OSBPL8: variants seen among roughly 807,000 people sequenced by gnomAD.
The protein encoded by OSBPL8 is oxysterol binding protein like 8, also known as oxysterol-binding protein-related protein 8.
OSBPL8 carries 59 observed loss-of-function variants against 125.5 expected under a neutral mutation model. The observed-to-expected ratio is 0.47, with a 90% CI of 0.38 to 0.58. The LOEUF is 0.58. Ranked by LOEUF, OSBPL8 falls within the 20% of genes least tolerant of loss-of-function variation. OSBPL8 has a pLI of 0.00. For synonymous variants in OSBPL8, 330 were observed against 338.9 expected, an observed-to-expected ratio of 0.97 and a Z score of 0.29; for missense variants, 758 against 1,047.8, an observed-to-expected ratio of 0.72 and a Z score of 3.82.
Position 76,413,676 on chromosome 12 carries a change from T to G in OSBPL8, c.218-3042A>C, listed in dbSNP as rs1267166199. Among the ~76,000 whole-genome samples, 3 of 152,180 alleles carry G rather than the reference T, an allele frequency of 2.0e-5. No homozygotes were observed. In the East Asian group the frequency reaches 5.8e-4, roughly 29 times the overall value. On this transcript the variant is annotated intron_variant, in intron 4 of 23. Transcript: ENST00000261183. ...GATGCACAGTAGTTTGTCAGTGAAG[T>G]TTTAGTTTGCGTGTCCCTGATTACT... is the stretch of plus-strand genomic sequence containing the variant.
At chr12:76,532,634 T>C (rs953828133) in intron 1 of OSBPL8, among the ~76,000 whole-genome samples, 1 of 152,096 alleles carries the variant, frequency 6.6e-6, no homozygotes, top group Non-Finnish European at 1.5e-5. Context: ...ACATCCACCT[T>C]GATCTTCTTT....
intron 6 of OSBPL8, among the ~76,000 whole-genome samples, chr12:76,402,154 G>C (rs1409395926): frequency 1.3e-5 from 2 of 152,126 alleles, no homozygotes; most frequent in African/African-American, 4.8e-5. Context: ...AAATAGACTA[G>C]TTAGGAACCA....
At chr12:76,408,083 G>A (rs1954345936) in intron 5 of OSBPL8, among the ~76,000 whole-genome samples, 1 of 144,884 alleles carries the variant, frequency 6.9e-6, no homozygotes, top group Admixed American at 6.9e-5. Context: ...GAGGTGAGAG[G>A]ACTGATTGAG....
intron 12 of OSBPL8, among the ~76,000 whole-genome samples, chr12:76,389,216 A>T (rs1441734679): frequency 6.6e-6 from 1 of 152,322 alleles, no homozygotes; most frequent in East Asian, 1.9e-4. Flanking sequence ...AGGGCATTCT[A>T]GTTCTGGTAA....
At chr12:76,362,634 C>T (rs1009515962) in intron 21 of OSBPL8, among the ~76,000 whole-genome samples, 2 of 152,158 alleles carry the variant, frequency 1.3e-5, no homozygotes, top group Non-Finnish European at 2.9e-5. Context: ...GACAAGGATG[C>T]CCTCTCTCAC....
intron 1 of OSBPL8, among the ~76,000 whole-genome samples, chr12:76,545,671 G>A (rs1950763784): frequency 6.6e-6 from 1 of 152,120 alleles, no homozygotes; most frequent in African/African-American, 2.4e-5. Flanking sequence ...TCTGGGTTTT[G>A]AATTCTAAGT....
chr12:76,432,868 T>C (rs975656773), intron 4 of OSBPL8, among the ~76,000 whole-genome samples: 1 of 152,212 alleles, frequency 6.6e-6, no homozygotes, highest in Admixed American at 6.5e-5. Flanking sequence ...TAATAAAATA[T>C]TGGCAAACAG....
intron 7 of OSBPL8, among the ~76,000 whole-genome samples, chr12:76,399,209 A>T (rs1953948256): frequency 6.6e-6 from 1 of 152,182 alleles, no homozygotes; most frequent in East Asian, 1.9e-4. Context: ...AGGCCTTAGT[A>T]AGTCTTGGCA....
At chr12:76,471,116 G>C (rs1460760938) in intron 2 of OSBPL8, among the ~76,000 whole-genome samples, 1 of 152,138 alleles carries the variant, frequency 6.6e-6, no homozygotes, top group African/African-American at 2.4e-5. Flanking sequence ...GCTGCCCACT[G>C]TCTGGCTAAC....
intron 2 of OSBPL8, among the ~76,000 whole-genome samples, chr12:76,472,212 C>T (rs927740159): frequency 1.3e-5 from 2 of 152,160 alleles, no homozygotes; most frequent in African/African-American, 4.8e-5. Flanking sequence ...GATGAGGATA[C>T]CACCATCTTA....
chr12:76,522,429 G>GTCA (rs1882150301), intron 1 of OSBPL8, among the ~76,000 whole-genome samples: 2 of 152,188 alleles, frequency 1.3e-5, no homozygotes, highest in South Asian at 4.2e-4. Flanking sequence ...CTGGTGGGAG[G>GTCA]TGTTAGGATC....
At chr12:76,408,461 C>CAAAAA (rs71082306) in intron 5 of OSBPL8, among the ~76,000 whole-genome samples, 1 of 73,300 alleles carries the variant, frequency 1.4e-5, no homozygotes, top group African/African-American at 5.4e-5. Context: ...GACTCCTTCT[C>CAAAAA]AAAAAAAAAA....
chr12:76,375,741 T>TTA (rs1491289791), intron 16 of OSBPL8, among the ~76,000 whole-genome samples: 3 of 146,774 alleles, frequency 2.0e-5, no homozygotes, highest in African/African-American at 2.5e-5. Flanking sequence ...CACATTGTTT[T>TTA]AAAAAAAAAA....
chr12:76,514,756 G>A (rs532183497), intron 1 of OSBPL8, among the ~76,000 whole-genome samples: 4 of 152,136 alleles, frequency 2.6e-5, no homozygotes, highest in South Asian at 4.1e-4. Context: ...TCTGTAAGTC[G>A]TATGCTTTCC....
chr12:76,487,266 G>C (rs557850365), intron 2 of OSBPL8, among the ~76,000 whole-genome samples: 19 of 151,994 alleles, frequency 1.3e-4, no homozygotes, highest in African/African-American at 4.6e-4. Context: ...CCTGAGCTCA[G>C]GTAATCCACC....
At chr12:76,381,556 T>TA (rs1300926001) in intron 15 of OSBPL8, among the ~76,000 whole-genome samples, 26 of 152,292 alleles carry the variant, frequency 1.7e-4, no homozygotes, top group African/African-American at 6.3e-4. Flanking sequence ...CACAGGCATT[T>TA]ATGATTATTA....
intron 5 of OSBPL8, among the ~76,000 whole-genome samples, chr12:76,403,162 AC>A (rs1160239548): frequency 1.3e-5 from 2 of 152,192 alleles, no homozygotes; most frequent in African/African-American, 4.8e-5. Flanking sequence ...AAGCTGATGC[AC>A]ATATTGCCCT....
intron 10 of OSBPL8, 56 bp from the exon 11 acceptor site, chr12:76,390,713 C>A: frequency 9.9e-7 from 1 of 1,011,322 alleles, no homozygotes. Flanking sequence ...ATGCTCAATT[C>A]ATAAATAATA....
chr12:76,520,111 C>A (rs1180031584), intron 1 of OSBPL8, among the ~76,000 whole-genome samples: 1 of 152,064 alleles, frequency 6.6e-6, no homozygotes, highest in Non-Finnish European at 1.5e-5. Flanking sequence ...CTACAAAACC[C>A]AAAATAATGG....
Sources: gnomAD v4.1 joint callset for allele counts (sites outside exome capture counted in the v4.1 genomes callset) on GRCh38, gnomAD v4.1.1 for gene constraint, MANE v1.5 for transcripts, NCBI Gene and HGNC (gene_info 2026-07-23, HGNC 2026-07-21) for gene names.